Variants in ESRRG observed in about 807,000 individuals in gnomAD.
ESRRG encodes the protein estrogen related receptor gamma.
Under a neutral mutation model 44.0 loss-of-function variants are expected in ESRRG, and 13 were observed. The observed-to-expected ratio is 0.30, with a 90% CI of 0.19 to 0.47. The LOEUF (loss-of-function observed/expected upper bound fraction) is 0.47, where lower values mean the gene tolerates loss of function less well. Ranked by LOEUF, ESRRG falls within the 20% of genes least tolerant of loss-of-function variation. ESRRG has a pLI of 1.00. For synonymous variants in ESRRG, 215 were observed against 214.6 expected (o/e 1.00, Z -0.02); for missense variants, 395 against 580.6 (o/e 0.68, Z 3.29).
chr1:216,510,482 T>A (rs991718422), intron 6 of ESRRG, among the ~76,000 whole-genome samples: 7 of 152,158 alleles, frequency 4.6e-5, no homozygotes, highest in African/African-American at 1.7e-4. Context: ...TAGCTAAATA[T>A]CATCATCCTT....
chr1:216,973,179 T>C (rs1399026881), intron 1 of ESRRG, among the ~76,000 whole-genome samples: 1 of 152,132 alleles, frequency 6.6e-6, no homozygotes, highest in African/African-American at 2.4e-5. Context: ...AGTAAGATCA[T>C]GTCACTCCTC....
rs977794564 is a variant in ESRRG, at chr1:216,575,887, G to T, written c.590-7789C>A. Among the ~76,000 whole-genome samples, 4 of 152,106 alleles carry T rather than the reference G, an allele frequency of 2.6e-5. No homozygotes were observed. In the South Asian group the frequency reaches 6.2e-4, roughly 24 times the overall value. ...TGAACTAGCAGGAGGAAAAAATAAT[G>T]AACACTGTTACTCAAAAGGGCTAGG... On this transcript the variant is annotated intron_variant, in intron 3 of 6. Transcript: ENST00000408911.
In ESRRG at chr1:216,723,348, T is replaced by G. The variant is rs1411294012; in HGVS notation, c.-49A>C. Reference sequence around the variant, plus strand: ...TGCACCCCAGCTATAAATCAAAGTTTCCTTGACAGAGCACAGTGCAATTAA... The same window carrying G: ...TGCACCCCAGCTATAAATCAAAGTTGCCTTGACAGAGCACAGTGCAATTAA... On this transcript the variant is annotated 5_prime_UTR_variant, in exon 1 of 7. Coordinates refer to ENST00000408911, the MANE Select transcript of ESRRG (RefSeq NM_001438.4). The G allele has an allele frequency of 1.3e-6, 2 of 1,573,580 alleles. No homozygotes were observed. Among genetic ancestry groups the G allele is most frequent in the Non-Finnish European group, 1.7e-6 (2 of 1,143,124 alleles).
At chr1:216,661,913 A>G (rs1308450084) in intron 2 of ESRRG, among the ~76,000 whole-genome samples, 1 of 152,178 alleles carries the variant, frequency 6.6e-6, no homozygotes, top group East Asian at 1.9e-4. Context: ...ACGAGCTAAC[A>G]TACTGGAGTC....
At chr1:216,670,589 A>G (rs1241671646) in intron 2 of ESRRG, among the ~76,000 whole-genome samples, 1 of 151,908 alleles carries the variant, frequency 6.6e-6, no homozygotes, top group Non-Finnish European at 1.5e-5. Context: ...AGACCCTCAA[A>G]CTCCCTGGCT....
intron 1 of ESRRG, among the ~76,000 whole-genome samples, chr1:217,062,404 T>G (rs144532834): frequency 1.8e-4 from 28 of 152,226 alleles, no homozygotes; most frequent in African/African-American, 6.5e-4. Flanking sequence ...CAGGACACAT[T>G]TTGGTGTCAA....
At chr1:216,652,112 C>G (rs2069137314) in intron 2 of ESRRG, among the ~76,000 whole-genome samples, 1 of 152,160 alleles carries the variant, frequency 6.6e-6, no homozygotes, top group Middle Eastern at 3.4e-3. Flanking sequence ...GTTTATTGCC[C>G]TCTTGGGAAG....
At chr1:216,919,080 G>A (rs1348751219) in intron 2 of ESRRG, among the ~76,000 whole-genome samples, 1 of 152,036 alleles carries the variant, frequency 6.6e-6, no homozygotes, top group Non-Finnish European at 1.5e-5. Context: ...ATGTAAACCT[G>A]TATAAATTCA....
At chr1:217,017,896 C>T (rs1002683083) in intron 1 of ESRRG, among the ~76,000 whole-genome samples, 2 of 152,102 alleles carry the variant, frequency 1.3e-5, no homozygotes, top group East Asian at 3.9e-4. Context: ...CGTTAATATT[C>T]CTGCAGCAAA....
intron 1 of ESRRG, among the ~76,000 whole-genome samples, chr1:216,990,276 A>G (rs1039338044): frequency 1.3e-5 from 2 of 152,336 alleles, no homozygotes; most frequent in Admixed American, 6.5e-5. Flanking sequence ...AACTGAACCA[A>G]TGAGTCCTAT....
At chr1:216,966,883 A>G (rs1560293465) in intron 1 of ESRRG, among the ~76,000 whole-genome samples, 1 of 152,106 alleles carries the variant, frequency 6.6e-6, no homozygotes, top group Non-Finnish European at 1.5e-5. Context: ...TTATACATAC[A>G]AAAGCGAAAA....
At chr1:216,910,403 C>T (rs939601934) in intron 2 of ESRRG, among the ~76,000 whole-genome samples, 4 of 152,072 alleles carry the variant, frequency 2.6e-5, no homozygotes, top group Admixed American at 6.6e-5. Context: ...TACTATACGC[C>T]GCTAATTGAA....
intron 1 of ESRRG, among the ~76,000 whole-genome samples, chr1:217,049,522 T>C (rs1200237093): frequency 6.6e-6 from 1 of 152,276 alleles, no homozygotes; most frequent in Admixed American, 6.5e-5. Flanking sequence ...GGGGAGAAAC[T>C]GTTGAATTTG....
At chr1:217,089,885 C>G (rs1455244401), upstream of ESRRG, among the ~76,000 whole-genome samples, 4 of 152,214 alleles carry the variant, frequency 2.6e-5, no homozygotes, top group Non-Finnish European at 4.4e-5. Flanking sequence ...CTCCCTGTGA[C>G]CCAGGACGTC....
At position 217,133,605 on chromosome 1, in the gene ESRRG, TTTTC is replaced by T. The variant is rs750071673; in HGVS notation, c.-230+4058_-230+4061del. On this transcript the variant is annotated intron_variant, in intron 1 of 8. Transcript: ENST00000366940. ...GACAGCTAGCAATGGTGTTTTCCTT[TTTTC>T]TTTCTTTCTTTCTTTCTTTCTTTCT... 3.1e-3 allele frequency among the ~76,000 whole-genome samples: 309 copies of T among 98,440 alleles called. 1 individual carries two copies. Among genetic ancestry groups the T allele is most frequent in the African/African-American group, 9.5e-3 (262 of 27,440 alleles). The allele number at this position is 98,440 out of a possible 152,430, so 64.6% of individuals were successfully genotyped here.
intron 3 of ESRRG, among the ~76,000 whole-genome samples, chr1:216,636,420 CCT>C (rs1336728368): frequency 2.6e-5 from 4 of 152,148 alleles, no homozygotes; most frequent in Admixed American, 6.5e-5. Context: ...ATAAGGTATG[CCT>C]TAGCACTTCG....
chr1:216,802,298 A>G (rs1054975973), intron 2 of ESRRG, among the ~76,000 whole-genome samples: 2 of 152,116 alleles, frequency 1.3e-5, no homozygotes, highest in African/African-American at 2.4e-5. Flanking sequence ...CATTGGGACA[A>G]AGGAAGTGGG....
At chr1:216,783,132 C>T (rs1234082372) in intron 2 of ESRRG, among the ~76,000 whole-genome samples, 1 of 151,924 alleles carries the variant, frequency 6.6e-6, no homozygotes, top group Non-Finnish European at 1.5e-5. Context: ...GGGGATGATC[C>T]ATATAATTTG....
chr1:217,027,613 C>T (rs1323098063), intron 1 of ESRRG, among the ~76,000 whole-genome samples: 1 of 152,074 alleles, frequency 6.6e-6, no homozygotes, highest in Non-Finnish European at 1.5e-5. Flanking sequence ...CCGCAAACCA[C>T]ACCATTAAAC....
Sources: gnomAD v4.1 joint callset for allele counts (sites outside exome capture counted in the v4.1 genomes callset) on GRCh38, gnomAD v4.1.1 for gene constraint, MANE v1.5 for transcripts, NCBI Gene and HGNC (gene_info 2026-07-23, HGNC 2026-07-21) for gene names.